Variants in PIK3CB observed in about 807,000 individuals in gnomAD.
PIK3CB encodes the protein phosphatidylinositol 4,5-bisphosphate 3-kinase catalytic subunit beta isoform.
In PIK3CB, 39 loss-of-function variants were observed where a neutral mutation model predicts 136.8. The ratio of observed to expected loss-of-function variants is 0.29; its 90% CI spans 0.22 to 0.37. PIK3CB has a LOEUF of 0.37. Ranked by LOEUF, PIK3CB falls within the 10% of genes least tolerant of loss-of-function variation. The probability of loss-of-function intolerance (pLI) is 1.00; values close to 1 mark genes in which losing one functional copy is unlikely to be tolerated. For synonymous variants in PIK3CB, 428 were observed against 436.6 expected, an observed-to-expected ratio of 0.98 and a Z score of 0.25; for missense variants, 868 against 1,275.4, an observed-to-expected ratio of 0.68 and a Z score of 4.87.
At chr3:138,699,320 A>G (rs968399353) in intron 12 of PIK3CB, among the ~76,000 whole-genome samples, 5 of 152,096 alleles carry the variant, frequency 3.3e-5, no homozygotes, top group Admixed American at 2.6e-4. Context: ...TAAACTGTGC[A>G]AACACTGGGT....
intron 9 of PIK3CB, among the ~76,000 whole-genome samples, chr3:138,712,640 C>T (rs576151402): frequency 2.0e-4 from 29 of 145,750 alleles, no homozygotes; most frequent in African/African-American, 6.9e-4. Flanking sequence ...GATCTCGGCT[C>T]ACTGCAACCT....
intron 2 of PIK3CB, among the ~76,000 whole-genome samples, chr3:138,789,581 A>G (rs1375245168): frequency 6.6e-6 from 1 of 152,240 alleles, no homozygotes; most frequent in Non-Finnish European, 1.5e-5. Context: ...CAGTGCTCAC[A>G]GCAGCACTGG....
intron 1 of PIK3CB, among the ~76,000 whole-genome samples, chr3:138,812,816 A>T (rs763996807): frequency 1.3e-5 from 2 of 152,196 alleles, no homozygotes; most frequent in Non-Finnish European, 2.9e-5. Context: ...GGTGTAAGCC[A>T]CCACACCCAG....
At chr3:138,737,525 G>A (rs1421063636) in intron 6 of PIK3CB, among the ~76,000 whole-genome samples, 182 bp downstream of exon 6, 7 of 150,580 alleles carry the variant, frequency 4.6e-5, no homozygotes, top group African/African-American at 1.5e-4. Flanking sequence ...TGCCAAAAGG[G>A]TAACAATGAT....
rs1180618628 is a variant in PIK3CB at position 138,654,862 on chromosome 3, G to A, written c.*527C>T. 1 of 209,368 alleles carries A rather than the reference G, an allele frequency of 4.8e-6. No individual in the cohort carries two copies. The highest frequency in any genetic ancestry group is 5.9e-5 in the Admixed American group (1 of 16,958). The allele number at this position is 209,368 out of a possible 1,614,324, so 13.0% of individuals were successfully genotyped here. On this transcript the variant is annotated 3_prime_UTR_variant, in exon 24 of 24. Coordinates refer to ENST00000674063, the MANE Select transcript of PIK3CB (RefSeq NM_006219.3). The stretch of plus-strand genomic sequence containing the variant: ...ACAAAAGAATTAATGAGTATCCACA[G>A]GTTTACAAGATTTCTTCTGGAAAAT...
chr3:138,755,075 T>C (rs1013164414), intron 4 of PIK3CB, among the ~76,000 whole-genome samples: 1 of 152,226 alleles, frequency 6.6e-6, no homozygotes, highest in African/African-American at 2.4e-5. Context: ...AATGTGGACA[T>C]GATATTTCCT....
At chr3:138,732,678 G>C (rs1185615993) in intron 8 of PIK3CB, among the ~76,000 whole-genome samples, 2 of 148,460 alleles carry the variant, frequency 1.3e-5, no homozygotes, top group African/African-American at 5.0e-5. Flanking sequence ...TCCAGGAAAT[G>C]GTATTACATG....
intron 2 of PIK3CB, among the ~76,000 whole-genome samples, chr3:138,784,257 G>A (rs1249780005): frequency 6.6e-6 from 1 of 152,134 alleles, no homozygotes; most frequent in Non-Finnish European, 1.5e-5. Flanking sequence ...GCAGTGGCAT[G>A]CACCTGTAAT....
In PIK3CB at chr3:138,683,833, A is replaced by C. The variant is rs3730063; in HGVS notation, c.2316-46T>G. The C allele has an allele frequency of 7.7e-3, 7,379 of 958,466 alleles. 375 individuals are homozygous for C. The African/African-American group carries it at 0.1, about 14-fold the overall frequency. The allele number at this position is 958,466 out of a possible 1,614,324, so 59.4% of individuals were successfully genotyped here. A position where few individuals can be genotyped will look rare whatever the true frequency, so the allele number is the denominator to read the frequency against. ...TTAGTCAACTTCAGTGTAATGATAC[A>C]GAAGATTATAATTTTACCACTATAT... On this transcript the variant is annotated intron_variant, in intron 17 of 23. Coordinates refer to ENST00000674063, the MANE Select transcript of PIK3CB (RefSeq NM_006219.3).
chr3:138,662,924 A>T (rs1051624426), intron 21 of PIK3CB, among the ~76,000 whole-genome samples: 1 of 152,122 alleles, frequency 6.6e-6, no homozygotes, highest in African/African-American at 2.4e-5. Context: ...TGGATTAAAG[A>T]CTTAAACGTT....
At chr3:138,706,097 C>T (rs1374169082) in intron 11 of PIK3CB, among the ~76,000 whole-genome samples, 1 of 152,176 alleles carries the variant, frequency 6.6e-6, no homozygotes, top group Admixed American at 6.5e-5. Flanking sequence ...TAAAAATCAA[C>T]ACTACCAGGT....
chr3:138,780,222 G>A (rs1006298326), intron 2 of PIK3CB, among the ~76,000 whole-genome samples: 3 of 151,974 alleles, frequency 2.0e-5, no homozygotes, highest in African/African-American at 7.3e-5. Flanking sequence ...GGCTTCCAAA[G>A]TGTTAGGATT....
At chr3:138,712,550 A>G (rs1313014454) in intron 9 of PIK3CB, among the ~76,000 whole-genome samples, 1 of 152,118 alleles carries the variant, frequency 6.6e-6, no homozygotes, top group Non-Finnish European at 1.5e-5. Flanking sequence ...AATATGGACT[A>G]AAAAGCCTTG....
intron 1 of PIK3CB, among the ~76,000 whole-genome samples, chr3:138,811,240 CAAA>C (rs558228212): frequency 4.3e-5 from 1 of 23,442 alleles, no homozygotes; most frequent in Non-Finnish European, 7.8e-5. Flanking sequence ...AAGACTCTGC[CAAA>C]AAAAAAAAAA....
At position 138,742,573 on chromosome 3, in the gene PIK3CB, A is replaced by T; in HGVS notation, c.606T>A (p.His202Gln). ...ATAATCCTACCTGGCAGTTTTCAAA[A>T]TGAACAGCTACGATGAGCTTTCCCC... ...LYGGKLIVAV[H>Q]FENCQDVFSF... is the part of the protein sequence containing the mutation. Residue 202 changes from histidine (H) to glutamine (Q), a missense_variant, in exon 5 of 24, where the codon CAT becomes CAA. His to Gln is a conservative substitution (Grantham distance 24, BLOSUM62 0). Transcript: ENST00000674063. 1.3e-6 allele frequency: 2 copies of T among 1,536,108 alleles called. No individual in the cohort carries two copies. The highest frequency in any genetic ancestry group is 8.9e-7 in the Non-Finnish European group (1 of 1,122,554).
At chr3:138,675,501 A>G (rs1302154548) in intron 19 of PIK3CB, among the ~76,000 whole-genome samples, 1 of 152,188 alleles carries the variant, frequency 6.6e-6, no homozygotes, top group Non-Finnish European at 1.5e-5. Context: ...TAATAGAAGT[A>G]GGCATATTAT....
intron 4 of PIK3CB, among the ~76,000 whole-genome samples, chr3:138,747,683 T>A (rs1233432198): frequency 6.6e-6 from 1 of 152,248 alleles, no homozygotes; most frequent in Non-Finnish European, 1.5e-5. Flanking sequence ...AAATGATACA[T>A]ACATATCATG....
At chr3:138,794,860 T>C (rs2046091259) in intron 2 of PIK3CB, among the ~76,000 whole-genome samples, 1 of 152,192 alleles carries the variant, frequency 6.6e-6, no homozygotes, top group Non-Finnish European at 1.5e-5. Context: ...ATACAACCTA[T>C]GCATATCTTC....
intron 4 of PIK3CB, among the ~76,000 whole-genome samples, chr3:138,751,925 C>T (rs2045479505): frequency 6.9e-6 from 1 of 144,710 alleles, no homozygotes; most frequent in Non-Finnish European, 1.5e-5. Flanking sequence ...GAGCCAAGAT[C>T]ACGCCACTGC....
Sources: gnomAD v4.1 joint callset for allele counts (sites outside exome capture counted in the v4.1 genomes callset) on GRCh38, gnomAD v4.1.1 for gene constraint, MANE v1.5 for transcripts, NCBI Gene and HGNC (gene_info 2026-07-23, HGNC 2026-07-21) for gene names.